Variants in GRIK2 observed in about 807,000 individuals in gnomAD.
GRIK2 encodes the protein glutamate receptor ionotropic, kainate 2.
A neutral mutation model predicts 100.3 loss-of-function variants in GRIK2; 32 were observed. The observed-to-expected ratio is 0.32, with a 90% confidence interval of 0.24 to 0.43. The LOEUF is 0.43. Ranked by LOEUF, GRIK2 falls within the 20% of genes least tolerant of loss-of-function variation. The pLI is 1.00. For synonymous variants in GRIK2, 417 were observed against 389.4 expected, an observed-to-expected ratio of 1.07 and a Z score of -0.83; for missense variants, 843 against 1,114.9, an observed-to-expected ratio of 0.76 and a Z score of 3.47.
chr6:101,796,733 C>G (rs1000719960), intron 7 of GRIK2, among the ~76,000 whole-genome samples: 1 of 152,120 alleles, frequency 6.6e-6, no homozygotes, highest in Non-Finnish European at 1.5e-5. Flanking sequence ...TTGTTACAGA[C>G]AGTAGTCTCA....
intron 16 of GRIK2, among the ~76,000 whole-genome samples, chr6:102,057,586 T>C (rs1191565070): frequency 6.6e-6 from 1 of 151,912 alleles, no homozygotes. Flanking sequence ...TAGAAAGAAA[T>C]AACTGAGTGG....
At chr6:101,843,324 T>A (rs2128435821) in intron 10 of GRIK2, among the ~76,000 whole-genome samples, 1 of 152,302 alleles carries the variant, frequency 6.6e-6, no homozygotes, top group African/African-American at 2.4e-5. Flanking sequence ...GGCCTTCATG[T>A]CCTTGTATCC....
intron 12 of GRIK2, among the ~76,000 whole-genome samples, chr6:101,905,786 C>T (rs1293888326): frequency 6.6e-6 from 1 of 151,216 alleles, no homozygotes; most frequent in Non-Finnish European, 1.5e-5. Flanking sequence ...ATGTCTCGCT[C>T]ATTCATAATT....
chr6:101,912,147 G>C (rs1410621688), intron 12 of GRIK2, among the ~76,000 whole-genome samples: 1 of 148,876 alleles, frequency 6.7e-6, no homozygotes, highest in Non-Finnish European at 1.5e-5. Context: ...CTATAGACAA[G>C]ACTATATAAT....
intron 7 of GRIK2, among the ~76,000 whole-genome samples, chr6:101,720,489 G>A (rs983821439): frequency 2.6e-5 from 4 of 151,972 alleles, no homozygotes; most frequent in African/African-American, 9.7e-5. Flanking sequence ...ATTAAAATGT[G>A]TAAGTGTAGT....
At chr6:101,715,000 ATAT>A (rs1264876286) in intron 7 of GRIK2, among the ~76,000 whole-genome samples, 1 of 151,738 alleles carries the variant, frequency 6.6e-6, no homozygotes, top group Non-Finnish European at 1.5e-5. Flanking sequence ...ATTAACTCTA[ATAT>A]TATTTCATAT....
At chr6:101,581,208 A>G (rs954883409) in intron 2 of GRIK2, among the ~76,000 whole-genome samples, 6 of 146,318 alleles carry the variant, frequency 4.1e-5, no homozygotes, top group African/African-American at 1.6e-4. Flanking sequence ...ATATACGCAT[A>G]TATATACATT....
chr6:101,815,275 T>A (rs957188969), intron 9 of GRIK2, among the ~76,000 whole-genome samples: 3 of 152,192 alleles, frequency 2.0e-5, no homozygotes, highest in Admixed American at 6.5e-5. Flanking sequence ...TCTTCTTATA[T>A]CTTCTGCATA....
chr6:101,981,638 GT>G (rs1176174582), intron 14 of GRIK2, among the ~76,000 whole-genome samples: 1 of 151,832 alleles, frequency 6.6e-6, no homozygotes, highest in Non-Finnish European at 1.5e-5. Flanking sequence ...AAAAATGATG[GT>G]TAAATACAAA....
At chr6:101,720,173 A>T (rs913619000) in intron 7 of GRIK2, among the ~76,000 whole-genome samples, 6 of 151,822 alleles carry the variant, frequency 4.0e-5, no homozygotes, top group African/African-American at 1.5e-4. Flanking sequence ...AAAAAAGGGT[A>T]CTGCATTTTG....
intron 2 of GRIK2, among the ~76,000 whole-genome samples, chr6:101,469,646 C>G (rs1771842340): frequency 6.6e-6 from 1 of 151,978 alleles, no homozygotes; most frequent in South Asian, 2.1e-4. Context: ...ATGTTTTAAC[C>G]CTTGCTGTAT....
intron 14 of GRIK2, among the ~76,000 whole-genome samples, chr6:101,984,354 T>A (rs981793844): frequency 6.6e-6 from 1 of 151,518 alleles, no homozygotes; most frequent in African/African-American, 2.4e-5. Flanking sequence ...CCTAAGGAAT[T>A]CTTAACTACC....
chr6:101,634,542 C>T (rs1158436003), intron 4 of GRIK2, among the ~76,000 whole-genome samples: 1 of 151,766 alleles, frequency 6.6e-6, no homozygotes, highest in Non-Finnish European at 1.5e-5. Flanking sequence ...TTTGCTGTGC[C>T]CTTCATTTGA....
At chr6:101,537,194 T>A (rs1211389850) in intron 2 of GRIK2, among the ~76,000 whole-genome samples, 1 of 151,814 alleles carries the variant, frequency 6.6e-6, no homozygotes, top group Non-Finnish European at 1.5e-5. Context: ...TGGAAAATCA[T>A]ATCAAATATG....
chr6:101,933,119 A>G (rs1790392137), intron 14 of GRIK2, among the ~76,000 whole-genome samples: 9 of 151,988 alleles, frequency 5.9e-5, no homozygotes, highest in Admixed American at 5.9e-4. Flanking sequence ...TAGAGGTTCT[A>G]AGAAAGCATC....
intron 12 of GRIK2, among the ~76,000 whole-genome samples, chr6:101,909,917 A>G (rs1206485526): frequency 1.3e-5 from 2 of 151,180 alleles, no homozygotes; most frequent in African/African-American, 4.8e-5. Flanking sequence ...AAAATAATAT[A>G]ATGCAGCACT....
chr6:101,551,246 A>G (rs1185844458), intron 2 of GRIK2, among the ~76,000 whole-genome samples: 1 of 152,144 alleles, frequency 6.6e-6, no homozygotes, highest in African/African-American at 2.4e-5. Context: ...TATAGTTCTC[A>G]TTTGGGAGAG....
At chr6:102,045,325 G>A (rs570418599) in intron 15 of GRIK2, among the ~76,000 whole-genome samples, 32 of 152,208 alleles carry the variant, frequency 2.1e-4, no homozygotes, top group Admixed American at 7.2e-4. Context: ...GATAACAGGC[G>A]TAAGAATGAT....
chr6:102,006,395 T>A (rs1378088215), intron 14 of GRIK2, among the ~76,000 whole-genome samples: 8 of 142,274 alleles, frequency 5.6e-5, no homozygotes, highest in South Asian at 4.3e-4. Flanking sequence ...TATATATTTT[T>A]TTTTTTTTTG....
Sources: gnomAD v4.1 joint callset for allele counts (sites outside exome capture counted in the v4.1 genomes callset) on GRCh38, gnomAD v4.1.1 for gene constraint, MANE v1.5 for transcripts, NCBI Gene and HGNC (gene_info 2026-07-23, HGNC 2026-07-21) for gene names.